The following SAMD12 variants were observed in gnomAD, a reference collection of about 807,000 sequenced individuals.
SAMD12 encodes the protein sterile alpha motif domain containing 12.
A neutral mutation model predicts 15.0 loss-of-function variants in SAMD12; 9 were observed. The ratio of observed to expected loss-of-function variants is 0.60; its 90% CI spans 0.36 to 1.05. SAMD12 has a LOEUF of 1.05. SAMD12 is among the 50% of genes least tolerant of loss of function. SAMD12 has a pLI of 0.01. For missense variants in SAMD12, 230 were observed against 234.2 expected (o/e 0.98, Z 0.12); for synonymous variants, 86 against 90.1 (o/e 0.96, Z 0.25).
At chr8:118,259,605 G>T (rs1813030847) in intron 4 of SAMD12, among the ~76,000 whole-genome samples, 1 of 152,054 alleles carries the variant, frequency 6.6e-6, no homozygotes, top group African/African-American at 2.4e-5. Context: ...GTTGCTGAAG[G>T]AGGAGGCATC....
At chr8:118,600,804 A>AT (rs994866317) in intron 1 of SAMD12, among the ~76,000 whole-genome samples, 1 of 151,126 alleles carries the variant, frequency 6.6e-6, no homozygotes, top group Non-Finnish European at 1.5e-5. Context: ...TTTAGATCTG[A>AT]TTTTTTTTAA....
chr8:118,144,751 G>C, the SAMD12 span, among the ~76,000 whole-genome samples: 1 of 152,142 alleles, frequency 6.6e-6, no homozygotes, highest in Non-Finnish European at 1.5e-5. Context: ...ACTCTCACTA[G>C]AAATTCTGAG....
chr8:118,269,292 C>T (rs770641814), intron 4 of SAMD12, among the ~76,000 whole-genome samples: 3 of 149,112 alleles, frequency 2.0e-5, no homozygotes, highest in Admixed American at 6.7e-5. Flanking sequence ...AGTGTGCATT[C>T]GACCTGCTTT....
chr8:118,214,642 A>G (rs1482783214), intron 4 of SAMD12, among the ~76,000 whole-genome samples: 1 of 152,250 alleles, frequency 6.6e-6, no homozygotes, highest in Non-Finnish European at 1.5e-5. Flanking sequence ...TTAGAAACTT[A>G]GTGTTTAATT....
intron 4 of SAMD12, among the ~76,000 whole-genome samples, chr8:118,268,641 C>A (rs1325092350): frequency 6.6e-6 from 1 of 152,052 alleles, no homozygotes; most frequent in East Asian, 1.9e-4. Context: ...ATGGTGAAAC[C>A]CCATCTCTAC....
At chr8:118,305,600 A>G (rs1815301824) in intron 4 of SAMD12, among the ~76,000 whole-genome samples, 1 of 152,182 alleles carries the variant, frequency 6.6e-6, no homozygotes, top group Non-Finnish European at 1.5e-5. Context: ...TTGGTGTACC[A>G]GTATCTGTTT....
rs1020610731 is a variant in SAMD12, at chr8:118,618,929, G to C, written c.13+2875C>G. On this transcript the variant is annotated intron_variant, in intron 1 of 3. Coordinates refer to ENST00000314727, the MANE Select transcript of SAMD12 (RefSeq NM_207506.3). ...AGATGTGGAGACTAAAGCTTAGAAT[G>C]TTAAGCAATTCGAACTGTATTTTCT... 3.3e-5 allele frequency among the ~76,000 whole-genome samples: 5 copies of C among 151,796 alleles called. No individual in the cohort carries two copies. The East Asian group carries it at 9.7e-4, about 29-fold the overall frequency.
At chr8:118,395,515 T>C (rs1338394803) in intron 3 of SAMD12, among the ~76,000 whole-genome samples, 1 of 152,202 alleles carries the variant, frequency 6.6e-6, no homozygotes, top group Non-Finnish European at 1.5e-5. Context: ...GCAAACACCC[T>C]GAGGCCAGTG....
intron 4 of SAMD12, among the ~76,000 whole-genome samples, chr8:118,342,181 A>G (rs1404564966): frequency 6.6e-6 from 1 of 151,928 alleles, no homozygotes; most frequent in African/African-American, 2.4e-5. Flanking sequence ...AATCCCAGCT[A>G]CTCAGGAGGC....
At chr8:118,227,920 C>T (rs922359486) in intron 4 of SAMD12, among the ~76,000 whole-genome samples, 33 of 152,176 alleles carry the variant, frequency 2.2e-4, no homozygotes, top group African/African-American at 7.7e-4. Flanking sequence ...CATTATGTTA[C>T]TGGTATAAAA....
chr8:118,205,979 A>G (rs1425974314), intron 4 of SAMD12, among the ~76,000 whole-genome samples: 2 of 152,226 alleles, frequency 1.3e-5, no homozygotes, highest in Admixed American at 1.3e-4. Context: ...CCACTAGTCT[A>G]CTACACTGTG....
intron 1 of SAMD12, chr8:118,621,386 G>A (rs1828401127): frequency 7.6e-6 from 2 of 262,150 alleles, no homozygotes; most frequent in Non-Finnish European, 7.5e-6. Context: ...ACGCACCTGG[G>A]CTGGGGACCT....
chr8:118,216,589 C>G (rs1394418853), intron 4 of SAMD12, among the ~76,000 whole-genome samples: 2 of 152,170 alleles, frequency 1.3e-5, no homozygotes. Flanking sequence ...AAGTAAGTAG[C>G]AGCATAGAAG....
intron 4 of SAMD12, among the ~76,000 whole-genome samples, chr8:118,216,738 C>A (rs1016523090): frequency 4.6e-5 from 7 of 152,126 alleles, no homozygotes; most frequent in Non-Finnish European, 8.8e-5. Flanking sequence ...AACTGATGTG[C>A]ATAATGATAG....
In SAMD12 at chr8:118,510,669, G is replaced by A. The variant is rs185791234; in HGVS notation, c.192+70046C>T. ...CAAAGGGGGCATCATCTGTTGGAGA[G>A]TGGCACCTGTTGGTCAGATTTAGGT... On this transcript the variant is annotated intron_variant, in intron 2 of 3. Coordinates refer to ENST00000314727, the MANE Select transcript of SAMD12 (RefSeq NM_207506.3). Among the ~76,000 whole-genome samples the A allele has an allele frequency of 2.2e-3, 331 of 152,322 alleles. 10 individuals carry two copies. Among genetic ancestry groups the A allele is most frequent in the Admixed American group, 0.02 (311 of 15,306 alleles).
At chr8:118,408,877 CAACTT>C (rs1191359349) in intron 3 of SAMD12, among the ~76,000 whole-genome samples, 1 of 152,128 alleles carries the variant, frequency 6.6e-6, no homozygotes, top group African/African-American at 2.4e-5. Context: ...CCTGCTAACT[CAACTT>C]AGCTAATTAT....
chr8:118,601,410 A>C (rs529338350), intron 1 of SAMD12, among the ~76,000 whole-genome samples: 20 of 152,292 alleles, frequency 1.3e-4, no homozygotes, highest in Middle Eastern at 3.4e-3. Context: ...TTTTCTCTCC[A>C]TGCCTAGACA....
chr8:118,551,265 C>A (rs151071169), intron 2 of SAMD12, among the ~76,000 whole-genome samples: 1 of 150,694 alleles, frequency 6.6e-6, no homozygotes, highest in Non-Finnish European at 1.5e-5. Flanking sequence ...AAACTGAACA[C>A]ATAGTTGGAA....
At chr8:118,469,802 AT>A (rs947282220) in intron 2 of SAMD12, among the ~76,000 whole-genome samples, 2 of 150,936 alleles carry the variant, frequency 1.3e-5, no homozygotes, top group African/African-American at 4.9e-5. Flanking sequence ...AACTCAGGTG[AT>A]CCATCTGCCT....
Sources: gnomAD v4.1 joint callset for allele counts (sites outside exome capture counted in the v4.1 genomes callset) on GRCh38, gnomAD v4.1.1 for gene constraint, MANE v1.5 for transcripts, NCBI Gene and HGNC (gene_info 2026-07-23, HGNC 2026-07-21) for gene names.